The following DDO variants were observed in gnomAD, a reference collection of about 807,000 sequenced individuals.
DDO encodes D-aspartate oxidase, DDO.
A neutral mutation model predicts 16.8 loss-of-function variants in DDO; 16 were observed. The observed-to-expected ratio is 0.95, with a 90% CI of 0.65 to 1.45. DDO has a LOEUF of 1.45. Ranked by LOEUF, DDO falls within the 40% of genes most tolerant of loss-of-function variation. The pLI is 0.00. For missense variants in DDO, 429 were observed against 420.3 expected, an observed-to-expected ratio of 1.02 and a Z score of -0.18; for synonymous variants, 180 against 167.2, an observed-to-expected ratio of 1.08 and a Z score of -0.59.
intron 4 of DDO, among the ~76,000 whole-genome samples, chr6:110,399,636 C>T (rs1773408780): frequency 6.6e-6 from 1 of 151,996 alleles, no homozygotes; most frequent in Non-Finnish European, 1.5e-5. Context: ...AAAGGGGACA[C>T]GTGGCCTTGT....
chr6:110,388,628 TA>T (rs567971996), downstream of DDO, among the ~76,000 whole-genome samples: 12 of 149,520 alleles, frequency 8.0e-5, no homozygotes, highest in East Asian at 3.9e-4. Flanking sequence ...TCCCAAAAGT[TA>T]AAAAAAAAAT....
At chr6:110,391,294 C>T (rs1438317699), downstream of DDO, among the ~76,000 whole-genome samples, 1 of 151,394 alleles carries the variant, frequency 6.6e-6, no homozygotes, top group Non-Finnish European at 1.5e-5. Context: ...CTTACTGTAT[C>T]ATTTAACAGA....
At chr6:110,408,271 T>C in intron 3 of DDO, 63 bp downstream of exon 3, 1 of 1,476,722 alleles carries the variant, frequency 6.8e-7, no homozygotes, top group Non-Finnish European at 9.4e-7. Context: ...TATTTTATGT[T>C]GAACTCTAAT....
At position 110,392,816 on chromosome 6, in the gene DDO, C is replaced by A; in HGVS notation, c.985G>T (p.Val329Phe). ...LEAARLVSEC[V>F]HALRTPIPKS... ...GGAATGGGGGTCCTGAGGGCATGGA[C>A]ACACTCGCTCACCAGCCTGGCGGCC... The change falls in exon 5 of 5, where the codon GTC becomes TTC. Residue 329 changes from valine to phenylalanine, a missense_variant. Coordinates refer to ENST00000368924, the MANE Select transcript of DDO (RefSeq NM_001372108.2). 6.2e-7 allele frequency: 1 copy of A among 1,602,506 alleles called. No homozygotes were observed.
intron 4 of DDO, among the ~76,000 whole-genome samples, chr6:110,399,767 A>T (rs978928508): frequency 6.6e-6 from 1 of 152,236 alleles, no homozygotes; most frequent in East Asian, 1.9e-4. Context: ...GCCAGGTCTC[A>T]GGAGCACAAG....
rs535746294 is a variant in DDO at position 110,407,085 on chromosome 6, C to T, written c.281+1249G>A. 3.9e-5 allele frequency among the ~76,000 whole-genome samples: 6 copies of T among 152,258 alleles called. 1 individual carries two copies. The South Asian group carries it at 1.2e-3, about 32-fold the overall frequency. On this transcript the variant is annotated intron_variant, in intron 3 of 4. Transcript: ENST00000368924. ...CTAATACCTAAGAAAGAACCTGATA[C>T]TGAAGAATGCTGAATATGTTGTTTT...
chr6:110,410,083 G>A (rs568771362), intron 2 of DDO, among the ~76,000 whole-genome samples: 1 of 152,328 alleles, frequency 6.6e-6, no homozygotes, highest in East Asian at 1.9e-4. Flanking sequence ...GGACAGGCAT[G>A]GTCTCCATAT....
intron 4 of DDO, among the ~76,000 whole-genome samples, chr6:110,401,373 T>G (rs1268439230): frequency 6.6e-6 from 1 of 151,466 alleles, no homozygotes; most frequent in Non-Finnish European, 1.5e-5. Flanking sequence ...AAGGGAAAGG[T>G]GGTGGAAAAT....
intron 4 of DDO, among the ~76,000 whole-genome samples, 196 bp downstream of exon 4, chr6:110,404,578 T>G (rs914590623): frequency 2.6e-5 from 4 of 152,200 alleles, no homozygotes; most frequent in African/African-American, 9.7e-5. Flanking sequence ...ACTAGAAGCA[T>G]GGTGTGACTT....
chr6:110,411,454 T>A (rs1773854732), intron 2 of DDO, among the ~76,000 whole-genome samples: 1 of 152,122 alleles, frequency 6.6e-6, no homozygotes, highest in Non-Finnish European at 1.5e-5. Flanking sequence ...TTAAAAACTG[T>A]TATTAGTATC....
chr6:110,399,536 C>T (rs1433480326), intron 4 of DDO, among the ~76,000 whole-genome samples: 2 of 140,332 alleles, frequency 1.4e-5, no homozygotes, highest in East Asian at 2.6e-4. Context: ...CGGGACGCGG[C>T]CCTCCCGCCC....
chr6:110,393,194 C>T lies in DDO; in HGVS notation c.607G>A (p.Val203Ile), dbSNP rs746879898. The part of the protein sequence containing the change: ...DSKIFPVRGQ[V>I]LQVQAPWVEH... ...ACCCAGGGAGCCTGAACTTGGAGGA[C>T]TTGGCCCCTTACAGGGAAAATCTTT... Residue 203 changes from valine (V) to isoleucine (I), a missense_variant, in exon 5 of 5, where the codon GTC becomes ATC. Val to Ile is a conservative substitution (Grantham distance 29). Transcript: ENST00000368924. 5 of 1,614,242 alleles carry T rather than the reference C, an allele frequency of 3.1e-6. No homozygotes were observed. In the Admixed American group the frequency reaches 8.3e-5, roughly 27 times the overall value.
At position 110,413,332 on chromosome 6, in the gene DDO, C is replaced by T; in HGVS notation, c.131G>A (p.Ser44Asn). ...ISDKFTPDTTSDVAAGMLIPH... is the reference protein window; with the variant it reads ...ISDKFTPDTTNDVAAGMLIPH... ...AATAAGCATTCCGGCTGCCACATCA[C>T]TGGTGGTATCTGGAGTAAACTTGTC... The change falls in exon 2 of 5, where the codon AGT becomes AAT. Residue 44 changes from serine to asparagine, a missense_variant. Ser to Asn is a conservative substitution (Grantham distance 46, BLOSUM62 1). Coordinates refer to ENST00000368924, the MANE Select transcript of DDO (RefSeq NM_001372108.2). 1 of 1,614,158 alleles carries T rather than the reference C, an allele frequency of 6.2e-7. No homozygotes were observed. Among genetic ancestry groups the T allele is most frequent in the Non-Finnish European group, 8.5e-7 (1 of 1,180,038 alleles).
chr6:110,408,571 AG>A lies in DDO; in HGVS notation c.173-130del, dbSNP rs1401856846. 9 of 726,832 alleles carry A rather than the reference AG, an allele frequency of 1.2e-5. No homozygotes were observed. The East Asian group carries it at 1.6e-4, about 13-fold the overall frequency. The allele number at this position is 726,832 out of a possible 1,614,324, so 45.0% of individuals were successfully genotyped here. A position where few individuals can be genotyped will look rare whatever the true frequency, so the allele number is the denominator to read the frequency against. Reference sequence around the variant, plus strand: ...GCAAAAATAAAATAAGGAGGCAGGGAGGAACATTAATATAAAGTGCCACATT... The same window carrying A: ...GCAAAAATAAAATAAGGAGGCAGGGAGAACATTAATATAAAGTGCCACATT... On this transcript the variant is annotated intron_variant, in intron 2 of 4. Coordinates refer to ENST00000368924, the MANE Select transcript of DDO (RefSeq NM_001372108.2).
At chr6:110,403,039 T>C (rs543999019) in intron 4 of DDO, among the ~76,000 whole-genome samples, 28 of 152,242 alleles carry the variant, frequency 1.8e-4, no homozygotes, top group African/African-American at 6.5e-4. Flanking sequence ...AAACCACTAA[T>C]AATACCAAAA....
intron 4 of DDO, among the ~76,000 whole-genome samples, chr6:110,403,540 G>T (rs565102049): frequency 6.6e-6 from 1 of 152,130 alleles, no homozygotes; most frequent in Non-Finnish European, 1.5e-5. Flanking sequence ...TTTATGGGCT[G>T]GTGAACAAGG....
intron 4 of DDO, among the ~76,000 whole-genome samples, chr6:110,397,303 C>T (rs1259362114): frequency 6.6e-6 from 1 of 152,158 alleles, no homozygotes; most frequent in Non-Finnish European, 1.5e-5. Context: ...ATCCTCCATA[C>T]CTGTATATCA....
At chr6:110,394,387 A>G (rs1021234173) in intron 4 of DDO, among the ~76,000 whole-genome samples, 2 of 152,184 alleles carry the variant, frequency 1.3e-5, no homozygotes, top group African/African-American at 4.8e-5. Flanking sequence ...GATTATAGGC[A>G]TGAGCCACCG....
intron 4 of DDO, among the ~76,000 whole-genome samples, chr6:110,400,192 G>T (rs1773433197): frequency 6.6e-6 from 1 of 152,244 alleles, no homozygotes; most frequent in African/African-American, 2.4e-5. Context: ...TGGAACTACG[G>T]GGCCTGTCTT....
Sources: gnomAD v4.1 joint callset for allele counts (sites outside exome capture counted in the v4.1 genomes callset) on GRCh38, gnomAD v4.1.1 for gene constraint, MANE v1.5 for transcripts, NCBI Gene and HGNC (gene_info 2026-07-23, HGNC 2026-07-21) for gene names.